AGBL4: variants seen among roughly 807,000 people sequenced by gnomAD.
AGBL4 encodes the protein cytosolic carboxypeptidase 6.
Under a neutral mutation model 66.4 loss-of-function variants are expected in AGBL4, and 58 were observed. The ratio of observed to expected loss-of-function variants is 0.87; its 90% CI spans 0.71 to 1.09. The LOEUF (loss-of-function observed/expected upper bound fraction) is 1.09, where lower values mean the gene tolerates loss of function less well. AGBL4 is among the 50% of genes least tolerant of loss of function. AGBL4 has a pLI of 0.00. For missense variants in AGBL4, 579 were observed against 631.0 expected (o/e 0.92, Z 0.88); for synonymous variants, 234 against 222.9 (o/e 1.05, Z -0.44).
chr1:49,340,790 C>G (rs980992625), intron 3 of AGBL4, among the ~76,000 whole-genome samples: 1 of 152,174 alleles, frequency 6.6e-6, no homozygotes, highest in Non-Finnish European at 1.5e-5. Flanking sequence ...AGGATGTTTA[C>G]ATTAATACCA....
intron 2 of AGBL4, among the ~76,000 whole-genome samples, chr1:49,712,406 T>C (rs900023632): frequency 3.3e-5 from 5 of 151,486 alleles, no homozygotes; most frequent in Non-Finnish European, 7.4e-5. Flanking sequence ...GTTGAATATA[T>C]AGAAACAAAG....
At chr1:49,102,726 T>C (rs1281573483) in intron 4 of AGBL4, among the ~76,000 whole-genome samples, 1 of 152,206 alleles carries the variant, frequency 6.6e-6, no homozygotes, top group Non-Finnish European at 1.5e-5. Context: ...AGCAGTATAA[T>C]ATCCATTGAA....
At position 48,640,730 on chromosome 1, in the gene AGBL4, T is replaced by G. The variant is rs147840570; in HGVS notation, c.840-6126A>C. On this transcript the variant is annotated intron_variant, in intron 8 of 13. Coordinates refer to ENST00000371839, the MANE Select transcript of AGBL4 (RefSeq NM_032785.4). Reference sequence around the variant, plus strand: ...CCCAGCCATCTGTGAGTGTGTGTGATTTATAAAAGAGACACTAAGCTACTC... The same window carrying G: ...CCCAGCCATCTGTGAGTGTGTGTGAGTTATAAAAGAGACACTAAGCTACTC... Among the ~76,000 whole-genome samples the G allele has an allele frequency of 6.8e-3, 1,039 of 152,260 alleles. 4 individuals carry two copies. The highest frequency in any genetic ancestry group is 0.027 in the Middle Eastern group (8 of 294).
intron 5 of AGBL4, among the ~76,000 whole-genome samples, chr1:48,929,808 C>T (rs935655876): frequency 6.6e-6 from 1 of 152,176 alleles, no homozygotes; most frequent in Admixed American, 6.5e-5. Flanking sequence ...CATCGGGACT[C>T]ATTTCTTTCT....
rs192348377 is a variant in AGBL4 at position 49,610,832 on chromosome 1, A to T, written c.282+86481T>A. Among the ~76,000 whole-genome samples, 140 of 152,332 alleles carry T rather than the reference A, an allele frequency of 9.2e-4. 1 individual carries two copies. Among genetic ancestry groups the T allele is most frequent in the African/African-American group, 3.2e-3 (135 of 41,578 alleles). On this transcript the variant is annotated intron_variant, in intron 3 of 13. Coordinates refer to ENST00000371839, the MANE Select transcript of AGBL4 (RefSeq NM_032785.4). ...GTTATAGTAGCAGGAATTGACTAAG[A>T]TACAAACCAAAACCATACCCAAACC...
chr1:49,960,621 C>A (rs1041430553), intron 1 of AGBL4, among the ~76,000 whole-genome samples: 2 of 151,878 alleles, frequency 1.3e-5, no homozygotes, highest in Non-Finnish European at 2.9e-5. Context: ...TGCTAATTAC[C>A]CTGATCTAAT....
At chr1:48,569,307 C>T (rs903570996) in intron 11 of AGBL4, among the ~76,000 whole-genome samples, 1 of 152,218 alleles carries the variant, frequency 6.6e-6, no homozygotes, top group Non-Finnish European at 1.5e-5. Flanking sequence ...TACTCATCTT[C>T]GATTGCCAAT....
At chr1:49,240,387 C>T (rs1448798082) in intron 4 of AGBL4, among the ~76,000 whole-genome samples, 1 of 152,048 alleles carries the variant, frequency 6.6e-6, no homozygotes, top group Non-Finnish European at 1.5e-5. Context: ...GGCTTGAACT[C>T]CTACCACCCA....
intron 3 of AGBL4, among the ~76,000 whole-genome samples, chr1:49,616,480 C>A (rs961115869): frequency 1.3e-5 from 2 of 152,176 alleles, no homozygotes; most frequent in Admixed American, 1.3e-4. Flanking sequence ...TCAGTCCTTG[C>A]ACATTTTATC....
intron 3 of AGBL4, among the ~76,000 whole-genome samples, chr1:49,389,478 A>G (rs769276724): frequency 2.6e-5 from 4 of 152,136 alleles, no homozygotes; most frequent in Non-Finnish European, 5.9e-5. Flanking sequence ...TTGAGAAGTC[A>G]AGTAATTCAG....
chr1:48,703,157 T>C (rs1451553125), intron 6 of AGBL4, among the ~76,000 whole-genome samples: 3 of 152,148 alleles, frequency 2.0e-5, no homozygotes, highest in African/African-American at 7.2e-5. Flanking sequence ...AAATCGAGAA[T>C]GCTTCAGAGA....
intron 6 of AGBL4, chr1:48,776,809 A>G (rs1029857250): frequency 2.6e-6 from 4 of 1,522,228 alleles, no homozygotes. Flanking sequence ...GTTGTCCTCC[A>G]GGAACCGCAC....
At chr1:48,888,340 C>T (rs972143798) in intron 5 of AGBL4, among the ~76,000 whole-genome samples, 3 of 152,192 alleles carry the variant, frequency 2.0e-5, no homozygotes, top group Non-Finnish European at 4.4e-5. Flanking sequence ...ATCTGCACAT[C>T]CAGCTCTGGG....
intron 5 of AGBL4, among the ~76,000 whole-genome samples, chr1:49,018,731 C>T (rs1323390405): frequency 6.6e-6 from 1 of 152,146 alleles, no homozygotes; most frequent in Non-Finnish European, 1.5e-5. Flanking sequence ...CCTCTCTTTT[C>T]CTCACCTACA....
intron 4 of AGBL4, among the ~76,000 whole-genome samples, chr1:49,148,945 T>C (rs1646273992): frequency 6.6e-6 from 1 of 152,146 alleles, no homozygotes; most frequent in African/African-American, 2.4e-5. Context: ...ACCAGAATGG[T>C]GCCAACATAC....
chr1:49,227,428 C>G (rs1649998075), intron 4 of AGBL4, among the ~76,000 whole-genome samples: 1 of 151,282 alleles, frequency 6.6e-6, no homozygotes, highest in Admixed American at 6.6e-5. Flanking sequence ...TAACTCATCC[C>G]TGATTCATCA....
intron 5 of AGBL4, among the ~76,000 whole-genome samples, chr1:48,988,035 A>G (rs1227621966): frequency 5.3e-5 from 8 of 152,044 alleles, no homozygotes; most frequent in African/African-American, 9.7e-5. Flanking sequence ...CTTATTTTTC[A>G]AGATTTAACT....
chr1:49,343,168 T>G (rs1205943600), intron 3 of AGBL4, among the ~76,000 whole-genome samples: 1 of 152,124 alleles, frequency 6.6e-6, no homozygotes, highest in East Asian at 1.9e-4. Flanking sequence ...TCACCCTCAA[T>G]GCCCACATGA....
intron 6 of AGBL4, among the ~76,000 whole-genome samples, chr1:48,730,660 A>G (rs911345379): frequency 2.0e-5 from 3 of 152,164 alleles, no homozygotes; most frequent in Non-Finnish European, 2.9e-5. Flanking sequence ...AACAGCACTG[A>G]ACGAAAAGCT....
Sources: allele counts gnomAD v4.1 joint callset (sites outside exome capture counted in the v4.1 genomes callset), GRCh38; gene constraint gnomAD v4.1.1; transcripts MANE v1.5; gene names NCBI Gene and HGNC (gene_info 2026-07-23, HGNC 2026-07-21).